Variants in CDH12 observed in about 807,000 individuals in gnomAD.
CDH12 encodes cadherin 12.
Under a neutral mutation model 74.1 loss-of-function variants are expected in CDH12, and 41 were observed. The ratio of observed to expected loss-of-function variants is 0.55; its 90% confidence interval spans 0.43 to 0.72. CDH12 has a LOEUF of 0.72. Among genes scored for constraint, CDH12 ranks in the 30% least tolerant of loss-of-function variants. The pLI, the probability that CDH12 is intolerant of heterozygous loss-of-function variation, is 0.00. For missense variants in CDH12, 945 were observed against 977.2 expected (o/e 0.97, Z 0.44); for synonymous variants, 399 against 355.0 (o/e 1.12, Z -1.39).
At chr5:22,210,557 T>G (rs1751469874) in intron 4 of CDH12, among the ~76,000 whole-genome samples, 1 of 151,926 alleles carries the variant, frequency 6.6e-6, no homozygotes, top group African/African-American at 2.4e-5. Context: ...ACATGTGTAT[T>G]GGGGATTTGT....
At chr5:22,612,465 C>T (rs1191131900) in intron 1 of CDH12, among the ~76,000 whole-genome samples, 6 of 152,042 alleles carry the variant, frequency 3.9e-5, no homozygotes, top group Middle Eastern at 3.2e-3. Context: ...GTGGCAATGA[C>T]GGATGATTCT....
At chr5:22,100,652 G>GACACACACACACACACACACACACAC (rs150777646) in intron 4 of CDH12, among the ~76,000 whole-genome samples, 1 of 144,344 alleles carries the variant, frequency 6.9e-6, no homozygotes, top group African/African-American at 2.6e-5. Context: ...CCATACATTA[G>GACACACACACACACACACACACACAC]ACACACACAC....
chr5:22,715,091 C>A (rs1409281489), intron 1 of CDH12, among the ~76,000 whole-genome samples: 2 of 152,204 alleles, frequency 1.3e-5, no homozygotes, highest in Admixed American at 1.3e-4. Context: ...CATCTGTCAT[C>A]TAGAGTGCCT....
At chr5:22,122,996 A>G (rs942747852) in intron 4 of CDH12, among the ~76,000 whole-genome samples, 4 of 152,170 alleles carry the variant, frequency 2.6e-5, no homozygotes, top group Admixed American at 2.0e-4. Context: ...TTCATCCTAA[A>G]TATCTGGGGA....
At chr5:22,391,942 G>A (rs910766060) in intron 3 of CDH12, among the ~76,000 whole-genome samples, 2 of 152,060 alleles carry the variant, frequency 1.3e-5, no homozygotes, top group Non-Finnish European at 2.9e-5. Context: ...TTAAATCAGA[G>A]AACTTGAGAT....
intron 2 of CDH12, among the ~76,000 whole-genome samples, chr5:22,428,813 C>T (rs1355189658): frequency 6.6e-6 from 1 of 152,082 alleles, no homozygotes; most frequent in South Asian, 2.1e-4. Context: ...ATCCACACAC[C>T]AGCCTTCATA....
intron 10 of CDH12, among the ~76,000 whole-genome samples, chr5:21,786,030 C>G (rs1423761500): frequency 6.6e-6 from 1 of 152,100 alleles, no homozygotes; most frequent in Non-Finnish European, 1.5e-5. Flanking sequence ...AAGTTGAAGC[C>G]AATGTTCATT....
At chr5:22,630,106 G>A (rs1738505432) in intron 1 of CDH12, among the ~76,000 whole-genome samples, 1 of 152,044 alleles carries the variant, frequency 6.6e-6, no homozygotes, top group African/African-American at 2.4e-5. Context: ...AGAAATCAGA[G>A]ATAATACAAA....
chr5:22,320,665 G>C (rs1738836048), intron 3 of CDH12, among the ~76,000 whole-genome samples: 1 of 152,208 alleles, frequency 6.6e-6, no homozygotes, highest in South Asian at 2.1e-4. Context: ...AAAGAGACTT[G>C]AGATTAAACA....
intron 8 of CDH12, among the ~76,000 whole-genome samples, chr5:21,828,463 A>G (rs934080314): frequency 2.0e-5 from 3 of 152,062 alleles, no homozygotes; most frequent in Admixed American, 6.6e-5. Flanking sequence ...ATATGTATTT[A>G]CTCACAAGTT....
At chr5:22,519,921 T>C (rs563392633) in intron 1 of CDH12, among the ~76,000 whole-genome samples, 71 of 152,328 alleles carry the variant, frequency 4.7e-4, no homozygotes, top group African/African-American at 1.7e-3. Flanking sequence ...ACCCTGTGTA[T>C]ATTGTAGAGG....
At chr5:22,197,841 A>T (rs1487915148) in intron 4 of CDH12, among the ~76,000 whole-genome samples, 2 of 152,200 alleles carry the variant, frequency 1.3e-5, no homozygotes, top group Non-Finnish European at 2.9e-5. Flanking sequence ...TTTCTAATTT[A>T]TAAATTTGTA....
At chr5:21,862,580 C>T (rs1176761644) in intron 6 of CDH12, among the ~76,000 whole-genome samples, 1 of 152,030 alleles carries the variant, frequency 6.6e-6, no homozygotes, top group Admixed American at 6.6e-5. Flanking sequence ...TAAGTATTTA[C>T]ATTTGTATAC....
chr5:22,003,158 A>G (rs1297104669), intron 5 of CDH12, among the ~76,000 whole-genome samples: 1 of 152,034 alleles, frequency 6.6e-6, no homozygotes, highest in Non-Finnish European at 1.5e-5. Context: ...TTCTTGCCTT[A>G]TATAATATAT....
chr5:22,047,271 A>T (rs797005969), intron 5 of CDH12, among the ~76,000 whole-genome samples: 3 of 152,008 alleles, frequency 2.0e-5, no homozygotes, highest in African/African-American at 7.2e-5. Context: ...TATTCATTCT[A>T]TTCTCTCTTA....
intron 1 of CDH12, among the ~76,000 whole-genome samples, chr5:22,772,715 CT>C (rs1167318089): frequency 4.0e-5 from 6 of 151,824 alleles, no homozygotes; most frequent in African/African-American, 1.2e-4. Context: ...GAAACCATGC[CT>C]GATTTGTATG....
chr5:22,578,968 A>T (rs116009744), intron 1 of CDH12, among the ~76,000 whole-genome samples: 9 of 152,246 alleles, frequency 5.9e-5, no homozygotes, highest in Non-Finnish European at 1.3e-4. Context: ...TTTGTGAGTG[A>T]TTACATTTAT....
chr5:21,981,182 G>C (rs1757288824), intron 5 of CDH12, among the ~76,000 whole-genome samples: 1 of 152,050 alleles, frequency 6.6e-6, no homozygotes, highest in South Asian at 2.1e-4. Flanking sequence ...AAGTAAAACT[G>C]TACCACTGTT....
rs770222014 is a variant in CDH12, at chr5:22,099,820, AG to A, written c.-186-20959del. Among the ~76,000 whole-genome samples, 22 of 152,296 alleles carry A rather than the reference AG, an allele frequency of 1.4e-4. 1 individual carries two copies. Among genetic ancestry groups the A allele is most frequent in the Non-Finnish European group, 2.8e-4 (19 of 68,022 alleles). ...GATGTCCTAGGTCCTCCCAATTCTT[AG>A]ACCTTTAATACCTGTTTTTCTCCTT... On this transcript the variant is annotated intron_variant, in intron 4 of 14. Coordinates refer to ENST00000382254, the MANE Select transcript of CDH12 (RefSeq NM_004061.5).
Sources: allele counts gnomAD v4.1 joint callset (sites outside exome capture counted in the v4.1 genomes callset), GRCh38; gene constraint gnomAD v4.1.1; transcripts MANE v1.5; gene names NCBI Gene and HGNC (gene_info 2026-07-23, HGNC 2026-07-21).